The following CATSPERE variants were observed in gnomAD, a reference collection of about 807,000 sequenced individuals.
The protein encoded by CATSPERE is catsper channel auxiliary subunit epsilon.
A neutral mutation model predicts 114.1 loss-of-function variants in CATSPERE; 93 were observed. That is an observed-to-expected ratio of 0.81 (90% CI 0.69 to 0.97). The LOEUF (loss-of-function observed/expected upper bound fraction) is 0.97. Ranked by LOEUF, CATSPERE falls within the 50% of genes least tolerant of loss-of-function variation. CATSPERE has a pLI of 0.00. For synonymous variants in CATSPERE, 341 were observed against 384.1 expected, an observed-to-expected ratio of 0.89 and a Z score of 1.31; for missense variants, 1,058 against 1,131.6, an observed-to-expected ratio of 0.93 and a Z score of 0.93.
intron 7 of CATSPERE, among the ~76,000 whole-genome samples, chr1:244,513,673 A>T (rs1032715873): frequency 6.6e-6 from 1 of 152,276 alleles, no homozygotes; most frequent in Non-Finnish European, 1.5e-5. Flanking sequence ...CCCAGATAGC[A>T]TGCTGGGGCA....
intron 1 of CATSPERE, among the ~76,000 whole-genome samples, chr1:244,455,114 G>C (rs1006556567): frequency 6.6e-6 from 1 of 152,180 alleles, no homozygotes; most frequent in Non-Finnish European, 1.5e-5. Context: ...AAGCACAATA[G>C]AAACTGCTCA....
chr1:244,473,272 C>T (rs1230634649), intron 2 of CATSPERE, among the ~76,000 whole-genome samples: 1 of 151,994 alleles, frequency 6.6e-6, no homozygotes, highest in African/African-American at 2.4e-5. Flanking sequence ...CAGCATTTGG[C>T]GTTGTTAGTG....
intron 21 of CATSPERE, among the ~76,000 whole-genome samples, 179 bp downstream of exon 21, chr1:244,635,721 G>T (rs1320783689): frequency 6.6e-6 from 1 of 152,060 alleles, no homozygotes; most frequent in Non-Finnish European, 1.5e-5. Flanking sequence ...TAATGCAAAT[G>T]AATCCTAAAA....
chr1:244,640,111 T>C lies in CATSPERE; in HGVS notation c.*30T>C, dbSNP rs575509077. The C allele has an allele frequency of 4.0e-6, 6 of 1,491,016 alleles. No individual in the cohort carries two copies. Among genetic ancestry groups the C allele is most frequent in the African/African-American group, 1.4e-5 (1 of 71,676 alleles). 92.4% of individuals were successfully genotyped at this position (1,491,016 alleles called of 1,614,324 possible). On this transcript the variant is annotated 3_prime_UTR_variant, in exon 22 of 22. Coordinates refer to ENST00000366534, the MANE Select transcript of CATSPERE (RefSeq NM_001130957.2). Reference sequence around the variant, plus strand: ...ACTGAAAGTTTGTTTATTACAGATATATGCATATAGAGAAACAGTGTATTA... The same window carrying C: ...ACTGAAAGTTTGTTTATTACAGATACATGCATATAGAGAAACAGTGTATTA...
At chr1:244,511,782 C>T (rs1675811053) in intron 7 of CATSPERE, among the ~76,000 whole-genome samples, 1 of 152,068 alleles carries the variant, frequency 6.6e-6, no homozygotes, top group South Asian at 2.1e-4. Flanking sequence ...CTGGGAAAGA[C>T]TTCATTTCTT....
At chr1:244,492,594 G>A (rs1672397110) in intron 6 of CATSPERE, among the ~76,000 whole-genome samples, 1 of 151,900 alleles carries the variant, frequency 6.6e-6, no homozygotes, top group South Asian at 2.1e-4. Context: ...GTTCTGGCCA[G>A]GGCAATTAGG....
chr1:244,495,762 T>C (rs372381129), intron 6 of CATSPERE, among the ~76,000 whole-genome samples: 5 of 152,074 alleles, frequency 3.3e-5, no homozygotes, highest in Admixed American at 6.6e-5. Flanking sequence ...TGTATAAATG[T>C]CTGTAAAATG....
At chr1:244,522,379 G>A (rs1185977724) in intron 8 of CATSPERE, among the ~76,000 whole-genome samples, 1 of 152,134 alleles carries the variant, frequency 6.6e-6, no homozygotes, top group African/African-American at 2.4e-5. Context: ...ACAAGAGAAA[G>A]CAGGAAAGAT....
At chr1:244,610,413 T>C (rs557652711) in intron 19 of CATSPERE, 87 bp downstream of exon 19, 8 of 928,226 alleles carry the variant, frequency 8.6e-6, no homozygotes, top group Admixed American at 1.9e-5. Context: ...GGAAACATTT[T>C]GGATTTAAAT....
intron 10 of CATSPERE, among the ~76,000 whole-genome samples, chr1:244,565,119 GT>G (rs1428939701): frequency 4.6e-5 from 7 of 152,188 alleles, no homozygotes; most frequent in Non-Finnish European, 1.0e-4. Context: ...TAGTGGATAA[GT>G]TTTTTAATGT....
chr1:244,634,686 G>A (rs1276804733), intron 20 of CATSPERE, among the ~76,000 whole-genome samples: 1 of 152,216 alleles, frequency 6.6e-6, no homozygotes, highest in East Asian at 1.9e-4. Context: ...TCCCAGCTCT[G>A]CTACTAACAG....
chr1:244,493,197 A>G lies in CATSPERE; in HGVS notation c.351+2726A>G, dbSNP rs189570023. Reference sequence around the variant, plus strand: ...ATCATGCTACCTGACTTCAAACTATATATACTACAAGGCTACAGTAACCAA... The same window carrying G: ...ATCATGCTACCTGACTTCAAACTATGTATACTACAAGGCTACAGTAACCAA... On this transcript the variant is annotated intron_variant, in intron 6 of 21. Transcript: ENST00000366534. Among the ~76,000 whole-genome samples, 412 of 152,220 alleles carry G rather than the reference A, an allele frequency of 2.7e-3. 1 individual carries two copies. Among genetic ancestry groups the G allele is most frequent in the African/African-American group, 9.2e-3 (380 of 41,530 alleles).
intron 19 of CATSPERE, among the ~76,000 whole-genome samples, chr1:244,616,092 G>C (rs1410543587): frequency 6.6e-6 from 1 of 152,104 alleles, no homozygotes; most frequent in African/African-American, 2.4e-5. Flanking sequence ...TCATGCCACT[G>C]AACTCCAGCC....
At chr1:244,629,952 T>C (rs1218558703) in intron 20 of CATSPERE, among the ~76,000 whole-genome samples, 1 of 152,202 alleles carries the variant, frequency 6.6e-6, no homozygotes, top group Non-Finnish European at 1.5e-5. Context: ...GTCTCCTTTA[T>C]CTTACTAATA....
intron 7 of CATSPERE, among the ~76,000 whole-genome samples, chr1:244,516,275 T>C (rs1676602802): frequency 6.6e-6 from 1 of 152,154 alleles, no homozygotes; most frequent in African/African-American, 2.4e-5. Flanking sequence ...AGATCACTAG[T>C]AATAACATAA....
chr1:244,610,118 C>A, intron 18 of CATSPERE, 122 bp from the exon 19 acceptor site: 1 of 636,036 alleles, frequency 1.6e-6, no homozygotes. Context: ...TACCAGCCAA[C>A]ATTTAAATAA....
chr1:244,499,165 A>G (rs1023916521), intron 7 of CATSPERE, 86 bp downstream of exon 7: 9 of 997,674 alleles, frequency 9.0e-6, no homozygotes, highest in Admixed American at 1.9e-5. Context: ...TAATCAATAG[A>G]CAGGATTTTA....
chr1:244,452,257 G>C (rs931702204), upstream of CATSPERE: 4 of 155,930 alleles, frequency 2.6e-5, no homozygotes, highest in East Asian at 1.9e-4. Flanking sequence ...CGTGTGGAGC[G>C]TCGGACTACA....
At chr1:244,490,579 A>C in intron 6 of CATSPERE, 108 bp downstream of exon 6, 1 of 743,526 alleles carries the variant, frequency 1.3e-6, no homozygotes. Context: ...GAATTTTGCA[A>C]TGATATTTGC....
Sources: allele counts gnomAD v4.1 joint callset (sites outside exome capture counted in the v4.1 genomes callset), GRCh38; gene constraint gnomAD v4.1.1; transcripts MANE v1.5; gene names NCBI Gene and HGNC (gene_info 2026-07-23, HGNC 2026-07-21).